The following CNOT4 variants were observed in gnomAD, a reference collection of about 807,000 sequenced individuals.
CNOT4 encodes the protein CCR4-associated factor 4.
Under a neutral mutation model 73.8 loss-of-function variants are expected in CNOT4, and 8 were observed. That is an observed-to-expected ratio of 0.11 (90% CI 0.06 to 0.20). The LOEUF is 0.20. Among genes scored for constraint, CNOT4 ranks in the 10% least tolerant of loss-of-function variants. The pLI is 1.00. For synonymous variants in CNOT4, 293 were observed against 321.1 expected, an observed-to-expected ratio of 0.91 and a Z score of 0.94; for missense variants, 564 against 883.4, an observed-to-expected ratio of 0.64 and a Z score of 4.58.
At chr7:135,485,122 G>C (rs1439962541) in intron 1 of CNOT4, among the ~76,000 whole-genome samples, 3 of 152,134 alleles carry the variant, frequency 2.0e-5, no homozygotes, top group Admixed American at 1.3e-4. Context: ...CACCAGGCTG[G>C]AGTGCAGTGG....
chr7:135,440,597 T>A (rs959473916), intron 1 of CNOT4, among the ~76,000 whole-genome samples: 1 of 152,044 alleles, frequency 6.6e-6, no homozygotes, highest in African/African-American at 2.4e-5. Context: ...CATAGCCAAG[T>A]GTTTGGCTAT....
intron 1 of CNOT4, among the ~76,000 whole-genome samples, chr7:135,472,839 A>C (rs1002712298): frequency 9.9e-5 from 15 of 151,986 alleles, no homozygotes; most frequent in Admixed American, 9.2e-4. Flanking sequence ...CTGTAGTTAA[A>C]GGCCAGCCTG....
At chr7:135,367,518 A>C (rs1794979550) in intron 10 of CNOT4, among the ~76,000 whole-genome samples, 1 of 152,224 alleles carries the variant, frequency 6.6e-6, no homozygotes, top group South Asian at 2.1e-4. Context: ...TAAGGATAAA[A>C]ATAAGAGAAG....
At chr7:135,444,857 C>T (rs1387370822) in intron 1 of CNOT4, 33 of 1,598,114 alleles carry the variant, frequency 2.1e-5, no homozygotes, top group Non-Finnish European at 2.3e-5. Context: ...CAGCTTTAAC[C>T]TTTGCTGGGC....
At chr7:135,444,508 T>C in intron 1 of CNOT4, 2 of 945,674 alleles carry the variant, frequency 2.1e-6, no homozygotes, top group Non-Finnish European at 3.5e-6. Flanking sequence ...GGTCGAGCTC[T>C]GTTGCTGTGA....
At chr7:135,442,992 G>A (rs554565753) in intron 1 of CNOT4, among the ~76,000 whole-genome samples, 8 of 152,084 alleles carry the variant, frequency 5.3e-5, no homozygotes, top group Admixed American at 1.3e-4. Context: ...AAAGGAGGTC[G>A]CGGCTGTAGT....
intron 1 of CNOT4, among the ~76,000 whole-genome samples, chr7:135,480,430 T>C (rs1186874588): frequency 2.0e-5 from 3 of 152,210 alleles, no homozygotes; most frequent in Non-Finnish European, 4.4e-5. Flanking sequence ...CTGAACTGAC[T>C]CCTTACCATA....
intron 6 of CNOT4, among the ~76,000 whole-genome samples, 179 bp downstream of exon 6, chr7:135,413,309 T>C (rs969227240): frequency 6.6e-6 from 1 of 152,024 alleles, no homozygotes; most frequent in Non-Finnish European, 1.5e-5. Context: ...CACATTTTTA[T>C]TGTAACAATA....
chr7:135,373,454 C>T (rs988578695), intron 10 of CNOT4, among the ~76,000 whole-genome samples: 1 of 152,186 alleles, frequency 6.6e-6, no homozygotes, highest in African/African-American at 2.4e-5. Context: ...AATCTTTAGA[C>T]TGAAAATGAG....
At chr7:135,434,354 C>T (rs954994548) in intron 2 of CNOT4, among the ~76,000 whole-genome samples, 3 of 152,228 alleles carry the variant, frequency 2.0e-5, no homozygotes. Context: ...AGGATTCAGA[C>T]TCCAAGACTC....
chr7:135,367,176 T>C (rs762834239), intron 10 of CNOT4, among the ~76,000 whole-genome samples: 2 of 152,082 alleles, frequency 1.3e-5, no homozygotes, highest in Non-Finnish European at 2.9e-5. Context: ...GGAAGCAAAA[T>C]TGTATCCAGT....
In CNOT4 at chr7:135,476,520, G is replaced by A. The variant is rs148915167; in HGVS notation, c.-93+33369C>T. Among the ~76,000 whole-genome samples, 326 of 152,222 alleles carry A rather than the reference G, an allele frequency of 2.1e-3. 1 individual carries two copies. The highest frequency in any genetic ancestry group is 7.0e-3 in the African/African-American group (292 of 41,536). On this transcript the variant is annotated intron_variant, in intron 1 of 11. Coordinates refer to ENST00000541284, the MANE Select transcript of CNOT4 (RefSeq NM_001190850.2). ...GTAAAAGCATAATACAAAATAAAAAGATTAAAAGGAGCTGGGCATAGTGGT... is the reference window on the plus strand; with the variant it reads ...GTAAAAGCATAATACAAAATAAAAAAATTAAAAGGAGCTGGGCATAGTGGT...
chr7:135,444,409 T>G (rs1799689767), intron 1 of CNOT4: 1 of 728,802 alleles, frequency 1.4e-6, no homozygotes, highest in Non-Finnish European at 2.5e-6. Flanking sequence ...GGTATATCCA[T>G]ACCATGGAAT....
At chr7:135,426,934 A>G (rs1295662467) in intron 2 of CNOT4, among the ~76,000 whole-genome samples, 1 of 152,092 alleles carries the variant, frequency 6.6e-6, no homozygotes, top group African/African-American at 2.4e-5. Flanking sequence ...AAAAAAAAAA[A>G]AAAAGGAAAA....
intron 1 of CNOT4, among the ~76,000 whole-genome samples, chr7:135,502,743 G>T (rs1045551920): frequency 2.7e-5 from 4 of 149,244 alleles, no homozygotes; most frequent in Non-Finnish European, 5.9e-5. Flanking sequence ...TTGAACCCGG[G>T]AGGTGGAGGT....
intron 2 of CNOT4, among the ~76,000 whole-genome samples, chr7:135,428,466 C>A (rs184776417): frequency 2.8e-4 from 42 of 152,026 alleles, no homozygotes; most frequent in African/African-American, 6.5e-4. Context: ...AAATATATAA[C>A]CTTGAAAATA....
intron 10 of CNOT4, chr7:135,384,585 A>G: frequency 1.4e-6 from 1 of 737,126 alleles, no homozygotes; most frequent in Non-Finnish European, 2.5e-6. Context: ...GCGCCTGGCC[A>G]CCCACCTCTC....
chr7:135,419,497 T>A (rs1252863562), intron 3 of CNOT4, among the ~76,000 whole-genome samples: 1 of 152,112 alleles, frequency 6.6e-6, no homozygotes, highest in African/African-American at 2.4e-5. Context: ...AACAAAACAC[T>A]TGTCTCTGGT....
intron 2 of CNOT4, among the ~76,000 whole-genome samples, chr7:135,434,817 A>G (rs1198999655): frequency 2.0e-5 from 3 of 152,284 alleles, no homozygotes; most frequent in Non-Finnish European, 1.5e-5. Context: ...TCAAATGTCT[A>G]TTCCTGGTGC....
Sources: gnomAD v4.1 joint callset for allele counts (sites outside exome capture counted in the v4.1 genomes callset) on GRCh38, gnomAD v4.1.1 for gene constraint, MANE v1.5 for transcripts, NCBI Gene and HGNC (gene_info 2026-07-23, HGNC 2026-07-21) for gene names.